Variants in ELOVL6 observed in about 807,000 individuals in gnomAD.
ELOVL6 encodes the protein very long chain fatty acid elongase 6.
In ELOVL6, 8 loss-of-function variants were observed where a neutral mutation model predicts 31.7. The ratio of observed to expected loss-of-function variants is 0.25; its 90% confidence interval spans 0.15 to 0.45. The LOEUF (loss-of-function observed/expected upper bound fraction) is 0.45, where lower values mean the gene tolerates loss of function less well. Among genes scored for constraint, ELOVL6 ranks in the 20% least tolerant of loss-of-function variants. The probability of loss-of-function intolerance (pLI) is 1.00; values close to 1 mark genes in which losing one functional copy is unlikely to be tolerated. For synonymous variants in ELOVL6, 101 were observed against 117.7 expected, an observed-to-expected ratio of 0.86 and a Z score of 0.92; for missense variants, 126 against 326.4, an observed-to-expected ratio of 0.39 and a Z score of 4.73.
At chr4:110,116,658 G>A (rs1033614177) in intron 1 of ELOVL6, among the ~76,000 whole-genome samples, 6 of 152,284 alleles carry the variant, frequency 3.9e-5, no homozygotes, top group African/African-American at 4.8e-5. Flanking sequence ...CAACAACAAA[G>A]GTTACTTGGT....
chr4:110,159,840 G>T (rs930388652), intron 1 of ELOVL6, among the ~76,000 whole-genome samples: 1 of 152,126 alleles, frequency 6.6e-6, no homozygotes, highest in Admixed American at 6.5e-5. Flanking sequence ...TCTAAAAGAT[G>T]AAAGTGTATC....
chr4:110,062,188 C>G (rs879553138), intron 2 of ELOVL6, among the ~76,000 whole-genome samples: 1 of 152,166 alleles, frequency 6.6e-6, no homozygotes, highest in Non-Finnish European at 1.5e-5. Context: ...CAGTTCAGAG[C>G]ACTGTAGAGT....
chr4:110,121,415 A>C (rs2126253976), intron 1 of ELOVL6, among the ~76,000 whole-genome samples: 1 of 152,222 alleles, frequency 6.6e-6, no homozygotes, highest in East Asian at 1.9e-4. Flanking sequence ...TGTTTTTATC[A>C]ATAACTAAAA....
rs572027886 is a variant in ELOVL6 at position 110,127,406 on chromosome 4, C to CAA, written c.90-21780_90-21779dup. On this transcript the variant is annotated intron_variant, in intron 1 of 3. Coordinates refer to ENST00000302274, the MANE Select transcript of ELOVL6 (RefSeq NM_024090.3). ...TGGGTGACAGAGCGAGATTCCGTCT[C>CAA]AAAAAAAAAAAAAAAAAAAGAAAAG... 2.3e-3 allele frequency among the ~76,000 whole-genome samples: 198 copies of CAA among 85,438 alleles called. 11 individuals carry two copies. The highest frequency in any genetic ancestry group is 0.02 in the Middle Eastern group (3 of 152). 56.1% of individuals were successfully genotyped at this position (85,438 alleles called of 152,430 possible).
chr4:110,090,600 C>CTTTTTTTTTTTTTTTT (rs544234717), intron 2 of ELOVL6, among the ~76,000 whole-genome samples: 41 of 103,716 alleles, frequency 4.0e-4, no homozygotes, highest in African/African-American at 9.4e-4. Context: ...GTTTGACTTT[C>CTTTTTTTTTTTTTTTT]TTTTTTTTTT....
At chr4:110,141,752 A>AGTATT (rs138773229) in intron 1 of ELOVL6, among the ~76,000 whole-genome samples, 29,305 of 145,662 alleles carry the variant, frequency 0.2, 3,656 homozygotes, top group African/African-American at 0.34. Flanking sequence ...TTATATATAT[A>AGTATT]GTATTGTATT....
At chr4:110,188,176 G>A (rs996102839) in intron 1 of ELOVL6, among the ~76,000 whole-genome samples, 1 of 152,162 alleles carries the variant, frequency 6.6e-6, no homozygotes, top group Non-Finnish European at 1.5e-5. Flanking sequence ...AATTCCCAGG[G>A]TCTAGAACCA....
At chr4:110,126,714 C>T (rs1023096851) in intron 1 of ELOVL6, among the ~76,000 whole-genome samples, 2 of 152,158 alleles carry the variant, frequency 1.3e-5, no homozygotes, top group Non-Finnish European at 1.5e-5. Context: ...CAGATTTCCT[C>T]CTCCCAGACT....
chr4:110,169,525 G>C (rs1758882064), intron 1 of ELOVL6, among the ~76,000 whole-genome samples: 1 of 152,056 alleles, frequency 6.6e-6, no homozygotes, highest in Non-Finnish European at 1.5e-5. Flanking sequence ...TTACAGGCGT[G>C]AGCCACCATG....
At chr4:110,076,796 A>G (rs1425433312) in intron 2 of ELOVL6, among the ~76,000 whole-genome samples, 1 of 152,234 alleles carries the variant, frequency 6.6e-6, no homozygotes, top group Non-Finnish European at 1.5e-5. Flanking sequence ...GCATAACCTC[A>G]CCCAGGAAGC....
intron 1 of ELOVL6, among the ~76,000 whole-genome samples, chr4:110,150,163 C>T (rs1413991124): frequency 6.6e-6 from 1 of 152,120 alleles, no homozygotes; most frequent in African/African-American, 2.4e-5. Context: ...CCTTCTGCTT[C>T]GGCCTCCCAA....
chr4:110,195,642 A>G (rs1474936694), intron 1 of ELOVL6, among the ~76,000 whole-genome samples: 1 of 152,168 alleles, frequency 6.6e-6, no homozygotes. Context: ...CTAAGAACAT[A>G]ACATCAACAG....
At chr4:110,137,137 T>C (rs1757834233) in intron 1 of ELOVL6, among the ~76,000 whole-genome samples, 1 of 152,180 alleles carries the variant, frequency 6.6e-6, no homozygotes, top group Non-Finnish European at 1.5e-5. Flanking sequence ...CCTGGAAAAC[T>C]TTAAATTAGA....
At chr4:110,195,781 C>T (rs1759755560) in intron 1 of ELOVL6, among the ~76,000 whole-genome samples, 1 of 152,190 alleles carries the variant, frequency 6.6e-6, no homozygotes, top group South Asian at 2.1e-4. Context: ...ACCATTTCAA[C>T]TCACTGGACA....
chr4:110,147,278 T>TAAAAAAAAAAAAAAAAAAAG (rs34418243), intron 1 of ELOVL6: 1 of 129,458 alleles, frequency 7.7e-6, no homozygotes, highest in African/African-American at 2.9e-5. Context: ...CAATTAAAAG[T>TAAAAAAAAAAAAAAAAAAAG]AAAAAAAAAA....
intron 2 of ELOVL6, among the ~76,000 whole-genome samples, chr4:110,088,875 T>C (rs528145225): frequency 6.8e-6 from 1 of 147,108 alleles, no homozygotes; most frequent in African/African-American, 2.5e-5. Context: ...GTCAGAATGG[T>C]GCACAACTTA....
In ELOVL6 at chr4:110,173,670, A is replaced by AAATAAT. The variant is rs148753272; in HGVS notation, c.89+24571_89+24576dup. Among the ~76,000 whole-genome samples the AAATAAT allele has an allele frequency of 2.0e-3, 278 of 140,944 alleles. 1 individual carries two copies. The highest frequency in any genetic ancestry group is 3.3e-3 in the African/African-American group (129 of 38,844). The allele number at this position is 140,944 out of a possible 152,430, so 92.5% of individuals were successfully genotyped here. On this transcript the variant is annotated intron_variant, in intron 1 of 3. Coordinates refer to ENST00000302274, the MANE Select transcript of ELOVL6 (RefSeq NM_024090.3). ...GCAGAACTAGAAATCAGGTAAAGGA[A>AAATAAT]AATAATAATAATAATAATAATAATA...
rs527932149 is a variant in ELOVL6 at position 110,070,590 on chromosome 4, G to GA, written c.222-10837dup. On this transcript the variant is annotated intron_variant, in intron 2 of 3. Transcript: ENST00000302274. The stretch of plus-strand genomic sequence containing the variant: ...AGGAAACCAAACATTTTTCCTGGGG[G>GA]AAAAAATCTCACGTTGAACTGTAAT... 4.0e-3 allele frequency among the ~76,000 whole-genome samples: 615 copies of GA among 152,284 alleles called. 3 individuals carry two copies. The highest frequency in any genetic ancestry group is 0.014 in the African/African-American group (585 of 41,564).
chr4:110,182,839 C>T (rs1031396598), intron 1 of ELOVL6, among the ~76,000 whole-genome samples: 6 of 152,008 alleles, frequency 3.9e-5, no homozygotes, highest in South Asian at 2.1e-4. Context: ...ACCCGGGAGG[C>T]GGAGGTTGCG....
Sources: gnomAD v4.1 joint callset for allele counts (sites outside exome capture counted in the v4.1 genomes callset) on GRCh38, gnomAD v4.1.1 for gene constraint, MANE v1.5 for transcripts, NCBI Gene and HGNC (gene_info 2026-07-23, HGNC 2026-07-21) for gene names.